Variants in MCM9 observed in about 807,000 individuals in gnomAD.
MCM9 encodes DNA helicase MCM9.
A neutral mutation model predicts 72.8 loss-of-function variants in MCM9; 55 were observed. The ratio of observed to expected loss-of-function variants is 0.76; its 90% CI spans 0.61 to 0.95. The LOEUF (loss-of-function observed/expected upper bound fraction) is 0.95, where lower values mean the gene tolerates loss of function less well. MCM9 is among the 40% of genes least tolerant of loss of function. MCM9 has a pLI of 0.00. For missense variants in MCM9, 1,279 were observed against 1,377.0 expected (o/e 0.93, Z 1.13); for synonymous variants, 480 against 503.4 (o/e 0.95, Z 0.62).
intron 3 of MCM9, among the ~76,000 whole-genome samples, chr6:118,929,312 A>G (rs114426796): frequency 0.01 from 1,586 of 152,312 alleles, 29 homozygotes; most frequent in African/African-American, 0.036. Flanking sequence ...ATATACATAC[A>G]CATGTATCTG....
chr6:118,911,384 T>C, intron 8 of MCM9: 1 of 1,166,940 alleles, frequency 8.6e-7, no homozygotes, highest in Non-Finnish European at 1.1e-6. Context: ...TACGGACTTT[T>C]TCCTGCATAA....
intron 2 of MCM9, 122 bp from the exon 3 acceptor site, chr6:118,931,860 T>A: frequency 1.4e-6 from 1 of 708,712 alleles, no homozygotes; most frequent in Non-Finnish European, 2.3e-6. Context: ...CAAAATAATA[T>A]CTGAATTCAA....
intron 9 of MCM9, among the ~76,000 whole-genome samples, chr6:118,829,761 G>A (rs946460010): frequency 6.6e-6 from 1 of 152,168 alleles, no homozygotes; most frequent in Non-Finnish European, 1.5e-5. Context: ...TTTGCAGAGG[G>A]GGTGAGGGTA....
chr6:118,913,524 A>C, intron 6 of MCM9, 104 bp from the exon 7 acceptor site: 1 of 1,398,022 alleles, frequency 7.2e-7, no homozygotes, highest in Non-Finnish European at 9.8e-7. Context: ...AATATACTCT[A>C]CTATGTGAAG....
chr6:118,891,827 C>G (rs1778964553), intron 8 of MCM9, among the ~76,000 whole-genome samples: 1 of 152,208 alleles, frequency 6.6e-6, no homozygotes, highest in Non-Finnish European at 1.5e-5. Flanking sequence ...TAAAATCTCT[C>G]TCAGCCATCC....
rs1253681153 is a variant in MCM9, at chr6:118,886,717, G to A, written c.1150+24933C>T. On this transcript the variant is annotated intron_variant, in intron 8 of 13. Coordinates refer to ENST00000619706, the MANE Select transcript of MCM9 (RefSeq NM_017696.3). ...CGCTGTAATCTCAGCACTTCAAGAGGCTGAAGTGGGAGGGTGGCTTGAGGC... is the reference window on the plus strand; with the variant it reads ...CGCTGTAATCTCAGCACTTCAAGAGACTGAAGTGGGAGGGTGGCTTGAGGC... 2.0e-5 allele frequency among the ~76,000 whole-genome samples: 3 copies of A among 152,176 alleles called. No homozygotes were observed. In the East Asian group the frequency reaches 5.8e-4, roughly 29 times the overall value.
Position 118,816,217 on chromosome 6 carries a change from C to T in MCM9, c.2039G>A (p.Gly680Asp). 1 of 1,550,430 alleles carries T rather than the reference C, an allele frequency of 6.4e-7. No individual in the cohort carries two copies. Among genetic ancestry groups the T allele is most frequent in the South Asian group, 1.2e-5 (1 of 84,060 alleles). Residue 680 changes from glycine to aspartate, a missense_variant, in exon 14 of 14, where the codon GGT becomes GAT. By Grantham distance (94) the Gly-to-Asp change is moderately conservative (BLOSUM62 -1). Transcript: ENST00000619706. The stretch of plus-strand genomic sequence containing the variant: ...TCTGAAGTTTGATTCTTCCCCTGGA[C>T]CATTTCTCAAGGATCCTGGAGTAGT... ...VETTPGSLRN[G>D]PGEESNFRTS...
Position 118,885,643 on chromosome 6 carries a change from T to C in MCM9, c.1150+26007A>G, listed in dbSNP as rs1400095901. Among the ~76,000 whole-genome samples, 6 of 152,132 alleles carry C rather than the reference T, an allele frequency of 3.9e-5. No homozygotes were observed. In the East Asian group the frequency reaches 9.6e-4, roughly 24 times the overall value. On this transcript the variant is annotated intron_variant, in intron 8 of 13. Transcript: ENST00000619706. ...AGGAGAAAAAACAACCTGAATAGAC[T>C]ATAAACACAGAGGCAATATTAGTAA...
intron 6 of MCM9, among the ~76,000 whole-genome samples, chr6:118,914,164 G>C (rs9481869): frequency 0.066 from 10,068 of 152,230 alleles, 472 homozygotes; most frequent in East Asian, 0.19. Context: ...GGGCATCAAG[G>C]CATTAAGAAG....
intron 8 of MCM9, among the ~76,000 whole-genome samples, chr6:118,884,337 A>G (rs1778468582): frequency 1.3e-5 from 2 of 152,194 alleles, no homozygotes; most frequent in South Asian, 4.1e-4. Context: ...ACATTTCTGT[A>G]TCTCAGTGAA....
At chr6:118,909,866 C>T (rs963065590) in intron 8 of MCM9, among the ~76,000 whole-genome samples, 2 of 152,180 alleles carry the variant, frequency 1.3e-5, no homozygotes, top group African/African-American at 4.8e-5. Context: ...CCTGTAATCC[C>T]AGCACTTGGG....
At chr6:118,868,633 G>C (rs1376312922) in intron 8 of MCM9, among the ~76,000 whole-genome samples, 1 of 152,054 alleles carries the variant, frequency 6.6e-6, no homozygotes, top group Non-Finnish European at 1.5e-5. Flanking sequence ...CTCAAAAGAA[G>C]ACATCTATGC....
intron 9 of MCM9, among the ~76,000 whole-genome samples, chr6:118,841,273 T>A (rs1220214080): frequency 1.3e-5 from 2 of 152,186 alleles, no homozygotes; most frequent in Admixed American, 1.3e-4. Flanking sequence ...CCTCCAAGGA[T>A]CACTTCATCT....
chr6:118,899,962 A>ATCTCT (rs1779692235), intron 8 of MCM9, among the ~76,000 whole-genome samples: 1 of 152,216 alleles, frequency 6.6e-6, no homozygotes, highest in African/African-American at 2.4e-5. Flanking sequence ...ACTCCTCCAA[A>ATCTCT]GAGTTCTACT....
intron 8 of MCM9, among the ~76,000 whole-genome samples, chr6:118,879,247 GGAA>G (rs970958089): frequency 3.8e-5 from 2 of 52,642 alleles, no homozygotes; most frequent in African/African-American, 2.0e-4. Context: ...GAATGGAGGG[GGAA>G]AAAAAAAAAA....
chr6:118,815,241 C>T lies in MCM9; in HGVS notation c.3015G>A (p.Glu1005=). The change falls in exon 14 of 14, where the codon GAG becomes GAA. Residue 1005 remains glutamate, a synonymous_variant. Transcript: ENST00000619706. ...QQPPEKHGPR[E]KVMCAPEKRI... is the part of the protein sequence containing the mutation. ...TCTTCTCAGGGGCACACATCACCTT[C>T]TCTCTTGGTCCGTGTTTCTCTGGTG... The T allele has an allele frequency of 6.4e-7, 1 of 1,550,688 alleles. No homozygotes were observed. Among genetic ancestry groups the T allele is most frequent in the Non-Finnish European group, 8.7e-7 (1 of 1,146,958 alleles).
intron 8 of MCM9, among the ~76,000 whole-genome samples, chr6:118,878,840 T>G (rs780703268): frequency 1.3e-5 from 2 of 152,108 alleles, no homozygotes; most frequent in Non-Finnish European, 2.9e-5. Context: ...GTGGATTGCT[T>G]GAGCTCAGAC....
chr6:118,840,025 GC>G (rs1775242172), intron 9 of MCM9, among the ~76,000 whole-genome samples: 1 of 152,152 alleles, frequency 6.6e-6, no homozygotes, highest in Admixed American at 6.5e-5. Context: ...GCCCACAGCT[GC>G]CCCTTCCCCC....
At chr6:118,897,005 A>AT (rs1213998700) in intron 8 of MCM9, among the ~76,000 whole-genome samples, 2 of 151,928 alleles carry the variant, frequency 1.3e-5, no homozygotes, top group African/African-American at 2.4e-5. Flanking sequence ...CATTGGGCTA[A>AT]TTTTTTAATT....
Sources: allele counts gnomAD v4.1 joint callset (sites outside exome capture counted in the v4.1 genomes callset), GRCh38; gene constraint gnomAD v4.1.1; transcripts MANE v1.5; gene names NCBI Gene and HGNC (gene_info 2026-07-23, HGNC 2026-07-21).